CD3D: variants seen among roughly 807,000 people sequenced by gnomAD.
CD3D encodes T-cell surface glycoprotein CD3 delta chain.
CD3D carries 22 observed loss-of-function variants against 22.0 expected under a neutral mutation model. That is an observed-to-expected ratio of 1.00 (90% CI 0.71 to 1.43). The LOEUF is 1.43. CD3D is among the 40% of genes most tolerant of loss of function. The pLI, the probability that CD3D is intolerant of heterozygous loss-of-function variation, is 0.00. For synonymous variants in CD3D, 74 were observed against 81.2 expected (o/e 0.91, Z 0.48); for missense variants, 205 against 211.7 (o/e 0.97, Z 0.20).
Position 118,339,846 on chromosome 11 carries a change from A to G in CD3D, c.335T>C (p.Val112Ala). The G allele has an allele frequency of 6.2e-7, 1 of 1,613,878 alleles. No individual in the cohort carries two copies. The highest frequency in any genetic ancestry group is 1.1e-5 in the South Asian group (1 of 91,066). Residue 112 changes from valine to alanine, a missense_variant, in exon 3 of 5, where the codon GTC becomes GCC. Physicochemically the swap from Val to Ala is moderately conservative, Grantham distance 64. Coordinates refer to ENST00000300692, the MANE Select transcript of CD3D (RefSeq NM_000732.6). ...ATVAGIIVTD[V>A]IATLLLALGV... ...CAAAGCAAGGAGCAGAGTGGCAATG[A>G]CATCAGTGACAATGATGCCAGCCAC... is the stretch of plus-strand genomic sequence containing the variant.
At chr11:118,342,453 G>A in intron 1 of CD3D, 100 bp downstream of exon 1, 2 of 1,071,828 alleles carry the variant, frequency 1.9e-6, no homozygotes, top group South Asian at 1.3e-5. Flanking sequence ...TTACTGGTGT[G>A]AGCCACCGTG....
downstream of CD3D, chr11:118,339,046 C>T (rs905069373): frequency 4.3e-6 from 4 of 937,428 alleles, no homozygotes; most frequent in Admixed American, 6.8e-5. Flanking sequence ...ACGCCTTGCC[C>T]AGGAGCCTTA....
chr11:118,340,609 T>C lies in CD3D; in HGVS notation c.56-16A>G, dbSNP rs1487628891. On this transcript the variant is annotated splice_polypyrimidine_tract_variant and intron_variant, in intron 1 of 4. Transcript: ENST00000300692. ...AAGGGGCTCACTAAAGGGGAAAAAA[T>C]ATCACAGTTGGAGACAGCTCTTTGA... The C allele has an allele frequency of 1.9e-6, 3 of 1,571,642 alleles. No homozygotes were observed. The highest frequency in any genetic ancestry group is 2.7e-5 in the African/African-American group (2 of 74,060).
chr11:118,340,347 C>T, intron 2 of CD3D, 28 bp downstream of exon 2: 1 of 1,576,970 alleles, frequency 6.3e-7, no homozygotes, highest in Non-Finnish European at 8.7e-7. Flanking sequence ...CTATCCATTC[C>T]AACCCAAAGG....
chr11:118,340,736 A>C (rs1374762423), intron 1 of CD3D, 143 bp from the exon 2 acceptor site: 5 of 726,242 alleles, frequency 6.9e-6, no homozygotes, highest in Non-Finnish European at 1.2e-5. Context: ...CAGAAGTCAC[A>C]AGAAAAAGCC....
chr11:118,339,041 T>C, downstream of CD3D: 1 of 896,952 alleles, frequency 1.1e-6, no homozygotes, highest in Non-Finnish European at 1.9e-6. Flanking sequence ...CTCCCACGCC[T>C]TGCCCAGGAG....
At chr11:118,340,023 C>T (rs2134059506) in intron 2 of CD3D, 117 bp from the exon 3 acceptor site, 2 of 1,253,538 alleles carry the variant, frequency 1.6e-6, no homozygotes, top group African/African-American at 3.0e-5. Context: ...TTCAATAAGA[C>T]CCTGGGAGAA....
chr11:118,339,272 T>C, intron 4 of CD3D, 45 bp from the exon 5 acceptor site: 1 of 1,585,800 alleles, frequency 6.3e-7, no homozygotes, highest in Non-Finnish European at 8.7e-7. Flanking sequence ...GGGTTAGAAC[T>C]CTTCAAGGAA....
Position 118,342,668 on chromosome 11 carries a change from A to G in CD3D, c.-61T>C. ...TCACCGAACTATCAGCCTGGGTGAG[A>G]GCTGCCCTCCCCTAGCTGACTCACA... is the stretch of plus-strand genomic sequence containing the variant. On this transcript the variant is annotated 5_prime_UTR_variant, in exon 1 of 5. Transcript: ENST00000300692. The G allele has an allele frequency of 2.1e-6, 3 of 1,434,542 alleles. No homozygotes were observed. Among genetic ancestry groups the G allele is most frequent in the Non-Finnish European group, 2.9e-6 (3 of 1,017,124 alleles). The allele number at this position is 1,434,542 out of a possible 1,614,324, so 88.9% of individuals were successfully genotyped here.
At chr11:118,340,825 C>T (rs1298732716) in intron 1 of CD3D, 1 of 665,088 alleles carries the variant, frequency 1.5e-6, no homozygotes, top group African/African-American at 1.8e-5. Flanking sequence ...GTCTTGGGGC[C>T]TTGGTGCAAA....
chr11:118,339,118 G>A lies in CD3D; in HGVS notation c.*44C>T. The A allele has an allele frequency of 6.7e-7, 1 of 1,497,788 alleles. No homozygotes were observed. The highest frequency in any genetic ancestry group is 2.3e-5 in the East Asian group (1 of 44,382). The allele number at this position is 1,497,788 out of a possible 1,614,324, so 92.8% of individuals were successfully genotyped here. A position where few individuals can be genotyped will look rare whatever the true frequency, so the allele number is the denominator to read the frequency against. On this transcript the variant is annotated 3_prime_UTR_variant, in exon 5 of 5. Coordinates refer to ENST00000300692, the MANE Select transcript of CD3D (RefSeq NM_000732.6). ...TTTATTGGCTGAGCAAGAAGGGAAG[G>A]TACAGTTGGTAATGGCTGCTTCTAG...
At chr11:118,339,043 GC>G, downstream of CD3D, 1 of 904,452 alleles carries the variant, frequency 1.1e-6, no homozygotes, top group Non-Finnish European at 1.9e-6. Context: ...CCCACGCCTT[GC>G]CCAGGAGCCT....
chr11:118,342,293 C>T (rs1363868204), intron 1 of CD3D, among the ~76,000 whole-genome samples: 1 of 152,042 alleles, frequency 6.6e-6, no homozygotes, highest in Non-Finnish European at 1.5e-5. Flanking sequence ...GCCTCAGCCT[C>T]TCAAATAGCT....
Position 118,340,459 on chromosome 11 carries a change from T to A in CD3D, c.190A>T (p.Ile64Phe), listed in dbSNP as rs764812030. 1.9e-6 allele frequency: 3 copies of A among 1,614,026 alleles called. No homozygotes were observed. In the East Asian group the frequency reaches 6.7e-5, roughly 36 times the overall value. The change falls in exon 2 of 5, where the codon ATC (isoleucine) becomes TTC (phenylalanine). Residue 64 changes from isoleucine to phenylalanine, a missense_variant. Transcript: ENST00000300692. ...CTATATATTCCTCGTGGGTCCAGGA[T>A]GCGTTTTCCCAGGTCCAGTCTTGTA... ...DITRLDLGKR[I>F]LDPRGIYRCN...
chr11:118,339,475 C>T lies in CD3D; in HGVS notation c.426G>A (p.Leu142=), dbSNP rs1022221797. 4 of 1,614,122 alleles carry T rather than the reference C, an allele frequency of 2.5e-6. No individual in the cohort carries two copies. The highest frequency in any genetic ancestry group is 3.4e-6 in the Non-Finnish European group (4 of 1,180,012). Residue 142 remains leucine, a synonymous_variant, in exon 4 of 5, where the codon CTG becomes CTA. Transcript: ENST00000300692. ...RLSGAADTQA[L]LRNDQVYQPL... ...CCTGATAGACCTGGTCATTCCTCAACAGAGCTTGTGTGTCGGCAGCTAGAA... is the reference window on the plus strand; with the variant it reads ...CCTGATAGACCTGGTCATTCCTCAATAGAGCTTGTGTGTCGGCAGCTAGAA...
At chr11:118,339,955 G>A in intron 2 of CD3D, 49 bp from the exon 3 acceptor site, 1 of 1,612,478 alleles carries the variant, frequency 6.2e-7, no homozygotes, top group Middle Eastern at 1.6e-4. Context: ...TTTAAGATCA[G>A]GGAACCATCC....
At chr11:118,339,934 G>A in intron 2 of CD3D, 28 bp from the exon 3 acceptor site, 5 of 1,613,752 alleles carry the variant, frequency 3.1e-6, no homozygotes, top group Non-Finnish European at 3.4e-6. Context: ...AGAGAGGAGA[G>A]GTTGAGAGCC....
chr11:118,341,714 C>T (rs559053546), intron 1 of CD3D, among the ~76,000 whole-genome samples: 33 of 152,258 alleles, frequency 2.2e-4, no homozygotes, highest in African/African-American at 7.5e-4. Flanking sequence ...TGAAGGGGTT[C>T]CTCGGACATG....
chr11:118,340,617 T>A (rs1179466756), intron 1 of CD3D, 24 bp from the exon 2 acceptor site: 1 of 1,522,366 alleles, frequency 6.6e-7, no homozygotes, highest in South Asian at 1.1e-5. Context: ...AATATCACAG[T>A]TGGAGACAGC....
Sources: gnomAD v4.1 joint callset for allele counts (sites outside exome capture counted in the v4.1 genomes callset) on GRCh38, gnomAD v4.1.1 for gene constraint, MANE v1.5 for transcripts, NCBI Gene and HGNC (gene_info 2026-07-23, HGNC 2026-07-21) for gene names.